GALM: variants seen among roughly 807,000 people sequenced by gnomAD.
GALM encodes aldose 1-epimerase.
GALM carries 43 observed loss-of-function variants against 37.4 expected under a neutral mutation model. The observed-to-expected ratio is 1.15, with a 90% confidence interval of 0.90 to 1.48. The LOEUF (loss-of-function observed/expected upper bound fraction) is 1.48. Among genes scored for constraint, GALM ranks in the 40% most tolerant of loss-of-function variants. The probability of loss-of-function intolerance (pLI) is 0.00; values close to 1 mark genes in which losing one functional copy is unlikely to be tolerated. For missense variants in GALM, 456 were observed against 419.1 expected, an observed-to-expected ratio of 1.09 and a Z score of -0.77; for synonymous variants, 199 against 170.6, an observed-to-expected ratio of 1.17 and a Z score of -1.30.
At chr2:38,693,166 T>A (rs113429118) in intron 4 of GALM, among the ~76,000 whole-genome samples, 11 of 152,320 alleles carry the variant, frequency 7.2e-5, no homozygotes, top group Middle Eastern at 3.4e-3. Flanking sequence ...ACAAGGCCAC[T>A]TTCCTGAGAC....
chr2:38,705,838 T>A (rs911947926), intron 4 of GALM, among the ~76,000 whole-genome samples: 1 of 152,108 alleles, frequency 6.6e-6, no homozygotes, highest in African/African-American at 2.4e-5. Flanking sequence ...GAGCTGGGAT[T>A]TTTTTTATTT....
intron 4 of GALM, among the ~76,000 whole-genome samples, chr2:38,698,772 G>C (rs1260167850): frequency 6.6e-6 from 1 of 152,068 alleles, no homozygotes; most frequent in Non-Finnish European, 1.5e-5. Context: ...TCAGACATTT[G>C]TTTATATATT....
chr2:38,673,764 C>T (rs1491002641), intron 1 of GALM, among the ~76,000 whole-genome samples: 3 of 146,166 alleles, frequency 2.1e-5, no homozygotes, highest in African/African-American at 5.1e-5. Flanking sequence ...GAGTTGAGAT[C>T]GTGCCACTGT....
At chr2:38,705,465 T>C (rs1666017096) in intron 4 of GALM, among the ~76,000 whole-genome samples, 1 of 152,132 alleles carries the variant, frequency 6.6e-6, no homozygotes, top group Admixed American at 6.5e-5. Flanking sequence ...AGAGCAGTTG[T>C]AGAGATAATG....
At chr2:38,730,836 A>C (rs1424437969) in intron 5 of GALM, among the ~76,000 whole-genome samples, 2 of 150,966 alleles carry the variant, frequency 1.3e-5, no homozygotes, top group African/African-American at 4.9e-5. Flanking sequence ...CAGGAGAATC[A>C]CTTGAACCCA....
intron 6 of GALM, among the ~76,000 whole-genome samples, chr2:38,732,432 G>C (rs1255270364): frequency 6.6e-6 from 1 of 152,202 alleles, no homozygotes; most frequent in East Asian, 1.9e-4. Context: ...GATTTACATG[G>C]TTTTAAGAAA....
chr2:38,700,341 C>T (rs571593307), intron 4 of GALM, among the ~76,000 whole-genome samples: 1 of 152,192 alleles, frequency 6.6e-6, no homozygotes, highest in African/African-American at 2.4e-5. Flanking sequence ...AATTCCCCAG[C>T]TATTGTATTG....
intron 4 of GALM, among the ~76,000 whole-genome samples, chr2:38,709,656 T>G (rs546824019): frequency 6.6e-6 from 1 of 151,946 alleles, no homozygotes; most frequent in East Asian, 1.9e-4. Flanking sequence ...ATAGACAAGC[T>G]TTGATGTTGT....
At chr2:38,696,966 T>A (rs930366862) in intron 4 of GALM, among the ~76,000 whole-genome samples, 12 of 151,804 alleles carry the variant, frequency 7.9e-5, no homozygotes, top group East Asian at 5.8e-4. Context: ...ATTTTTGTAT[T>A]TTTAGTAGAG....
intron 4 of GALM, among the ~76,000 whole-genome samples, chr2:38,725,118 A>G (rs1371012977): frequency 1.3e-5 from 2 of 152,216 alleles, no homozygotes; most frequent in Non-Finnish European, 2.9e-5. Flanking sequence ...GAAGAATTAA[A>G]TATTGTAACA....
intron 1 of GALM, 98 bp downstream of exon 1, chr2:38,666,449 G>A (rs1369738255): frequency 3.4e-5 from 32 of 948,380 alleles, no homozygotes; most frequent in Non-Finnish European, 3.9e-5. Context: ...GGACCAAGGG[G>A]GAAAGTCGCC....
chr2:38,689,831 G>T lies in GALM; in HGVS notation c.571G>T (p.Asp191Tyr), dbSNP rs1665628724. 1 of 1,606,200 alleles carries T rather than the reference G, an allele frequency of 6.2e-7. No homozygotes were observed. The highest frequency in any genetic ancestry group is 1.1e-5 in the South Asian group (1 of 90,194). Residue 191 changes from aspartate (D) to tyrosine (Y), a missense_variant, in exon 4 of 7, where the codon GAC becomes TAC. Asp to Tyr is a radical substitution (Grantham distance 160). Coordinates refer to ENST00000272252, the MANE Select transcript of GALM (RefSeq NM_138801.3). ...CTCCCAGGCTTCCCCAAATATAAAT[G>T]ACCATGAAGTCACCATAGAAGCGGA... The part of the protein sequence containing the change: ...LAGQASPNIN[D>Y]HEVTIEADTY...
rs575158516 is a variant in GALM at position 38,669,951 on chromosome 2, C to A, written c.190+3600C>A. ...TATCTCGGCTCACTGCAGCCTCCAC[C>A]TCCTGGGTTCAAGCGATTCTCATGC... On this transcript the variant is annotated intron_variant, in intron 1 of 6. Transcript: ENST00000272252. Among the ~76,000 whole-genome samples the A allele has an allele frequency of 1.4e-4, 21 of 151,432 alleles. 1 individual carries two copies. Among genetic ancestry groups the A allele is most frequent in the African/African-American group, 5.1e-4 (21 of 41,330 alleles).
At chr2:38,674,410 A>G (rs56218354) in intron 1 of GALM, among the ~76,000 whole-genome samples, 49,369 of 151,860 alleles carry the variant, frequency 0.33, 10,542 homozygotes, top group African/African-American at 0.6. Context: ...GGATGGTCTC[A>G]ATCTCTTGAC....
chr2:38,705,752 T>A (rs1666022919), intron 4 of GALM, among the ~76,000 whole-genome samples: 1 of 152,106 alleles, frequency 6.6e-6, no homozygotes, highest in African/African-American at 2.4e-5. Flanking sequence ...CTTCTTAAAT[T>A]TTGCACCCTA....
chr2:38,670,521 C>A (rs1189829401), intron 1 of GALM, among the ~76,000 whole-genome samples: 2 of 152,152 alleles, frequency 1.3e-5, no homozygotes, highest in Non-Finnish European at 2.9e-5. Flanking sequence ...CTGCTTCCTT[C>A]CTTAAAGCTG....
intron 4 of GALM, among the ~76,000 whole-genome samples, chr2:38,690,742 T>C (rs1332753063): frequency 6.6e-6 from 1 of 152,228 alleles, no homozygotes; most frequent in Non-Finnish European, 1.5e-5. Context: ...CACTTTGGCC[T>C]CTTTAATGGG....
chr2:38,679,251 T>C (rs1451319363), intron 2 of GALM, among the ~76,000 whole-genome samples: 1 of 152,194 alleles, frequency 6.6e-6, no homozygotes, highest in African/African-American at 2.4e-5. Context: ...CCTCCCAAAG[T>C]GCTGTGATTA....
In GALM at chr2:38,699,391, G is replaced by A. The variant is rs188844577; in HGVS notation, c.634+9497G>A. On this transcript the variant is annotated intron_variant, in intron 4 of 6. Transcript: ENST00000272252. The stretch of plus-strand genomic sequence containing the variant: ...CCTCAAACATTTATCATTTTTTTGT[G>A]TTGGGACATTCAAAATCTGCTGTTC... Among the ~76,000 whole-genome samples the A allele has an allele frequency of 5.7e-4, 87 of 152,286 alleles. 2 individuals are homozygous for A. In the South Asian group the frequency reaches 6.2e-3, roughly 11 times the overall value.
Sources: allele counts gnomAD v4.1 joint callset (sites outside exome capture counted in the v4.1 genomes callset), GRCh38; gene constraint gnomAD v4.1.1; transcripts MANE v1.5; gene names NCBI Gene and HGNC (gene_info 2026-07-23, HGNC 2026-07-21).